The following TRPM5 variants were observed in gnomAD, a reference collection of about 807,000 sequenced individuals.
TRPM5 encodes the protein transient receptor potential cation channel subfamily M member 5.
Under a neutral mutation model 124.9 loss-of-function variants are expected in TRPM5, and 121 were observed. The ratio of observed to expected loss-of-function variants is 0.97; its 90% CI spans 0.84 to 1.13. The LOEUF is 1.13. TRPM5 is among the 50% of genes most tolerant of loss of function. The probability of loss-of-function intolerance (pLI) is 0.00; values close to 1 mark genes in which losing one functional copy is unlikely to be tolerated. For synonymous variants in TRPM5, 781 were observed against 700.5 expected, an observed-to-expected ratio of 1.11 and a Z score of -1.81; for missense variants, 1,643 against 1,589.1, an observed-to-expected ratio of 1.03 and a Z score of -0.58.
chr11:2,410,603 A>C, intron 18 of TRPM5: 4 of 428,924 alleles, frequency 9.3e-6, no homozygotes, highest in Admixed American at 5.1e-5. Flanking sequence ...GCCCCACCCC[A>C]GAGCTCCCCA....
upstream of TRPM5, among the ~76,000 whole-genome samples, chr11:2,427,676 G>T (rs868591439): frequency 2.0e-5 from 3 of 152,262 alleles, no homozygotes; most frequent in Non-Finnish European, 4.4e-5. Flanking sequence ...TGGCTTCTAG[G>T]CCACTTAGAT....
chr11:2,405,874 G>A (rs1009273340), intron 22 of TRPM5, 145 bp downstream of exon 27: 100 of 769,716 alleles, frequency 1.3e-4, no homozygotes, highest in Middle Eastern at 3.4e-4. Flanking sequence ...TCCCCAGAAC[G>A]CTCCTCTGCC....
At chr11:2,410,807 T>G (rs1589868001) in intron 18 of TRPM5, 1 of 398,904 alleles carries the variant, frequency 2.5e-6, no homozygotes, top group Non-Finnish European at 4.9e-6. Context: ...GCAGCCAGGG[T>G]GCCTTTAGGA....
chr11:2,407,698 G>C, intron 19 of TRPM5, 61 bp downstream of exon 24: 1 of 1,586,070 alleles, frequency 6.3e-7, no homozygotes, highest in Non-Finnish European at 8.6e-7. Flanking sequence ...GCGGTGTTGG[G>C]GAATGACCCT....
At chr11:2,441,644 C>T in the TRPM5 span, among the ~76,000 whole-genome samples, 3 of 152,142 alleles carry the variant, frequency 2.0e-5, no homozygotes, top group African/African-American at 4.8e-5. The surrounding 1 kb of genome is among the most constrained non-coding windows in gnomAD (Gnocchi z 7.2). Flanking sequence ...GCTCAGGGCC[C>T]AGGAGACAGC....
intron 11 of TRPM5, 60 bp from the exon 17 acceptor site, chr11:2,414,266 G>T: frequency 1.3e-6 from 2 of 1,546,560 alleles, no homozygotes; most frequent in Non-Finnish European, 8.7e-7. Flanking sequence ...GGCCCCCGAC[G>T]CCCCTCCTCC....
At chr11:2,422,863 GC>G in intron 1 of TRPM5, 56 bp downstream of exon 6, 1 of 1,464,474 alleles carries the variant, frequency 6.8e-7, no homozygotes, top group Non-Finnish European at 9.6e-7. Context: ...AGGAAATGGG[GC>G]CTCATGGGTT....
At chr11:2,413,398 G>C (rs11601529) in intron 13 of TRPM5, 78 bp downstream of exon 18, 2 of 1,414,466 alleles carry the variant, frequency 1.4e-6, no homozygotes, top group Non-Finnish European at 1.9e-6. Context: ...CAGCACCTGC[G>C]AGGCCCAGGC....
At chr11:2,408,155 T>C (rs1850362450) in intron 18 of TRPM5, among the ~76,000 whole-genome samples, 2 of 152,178 alleles carry the variant, frequency 1.3e-5, no homozygotes, top group Non-Finnish European at 2.9e-5. Context: ...CCATGTCTGC[T>C]GAGCTTCCAC....
intron 1 of TRPM5, 41 bp from the exon 7 acceptor site, chr11:2,422,362 G>A: frequency 6.4e-7 from 1 of 1,573,860 alleles, no homozygotes; most frequent in Non-Finnish European, 8.6e-7. Context: ...CGGGGCACGG[G>A]GCATGGGAGC....
intron 16 of TRPM5, 61 bp from the exon 22 acceptor site, chr11:2,411,828 G>A (rs1481844657): frequency 2.5e-6 from 4 of 1,595,032 alleles, no homozygotes; most frequent in Non-Finnish European, 3.4e-6. Flanking sequence ...CTTCCCCAGG[G>A]GCACACAGCA....
intron 18 of TRPM5, among the ~76,000 whole-genome samples, chr11:2,408,503 T>C (rs800345): frequency 0.84 from 128,474 of 152,274 alleles, 54,935 homozygotes; most frequent in Non-Finnish European, 0.91. Context: ...AGGGCACCGA[T>C]CCCGCACTGG....
intron 4 of TRPM5, 63 bp downstream of exon 9, chr11:2,420,159 A>C: frequency 6.6e-7 from 1 of 1,525,598 alleles, no homozygotes; most frequent in Non-Finnish European, 8.8e-7. Flanking sequence ...ACTCTCCCAC[A>C]GGCGGGTCCC....
At chr11:2,434,835 A>C in the TRPM5 span, among the ~76,000 whole-genome samples, 1 of 152,118 alleles carries the variant, frequency 6.6e-6, no homozygotes, top group Non-Finnish European at 1.5e-5. Flanking sequence ...GATCCAGGGG[A>C]GAGAAGTCGT....
chr11:2,405,946 T>C, intron 22 of TRPM5, 73 bp downstream of exon 27: 1 of 1,345,912 alleles, frequency 7.4e-7, no homozygotes, highest in Non-Finnish European at 1.1e-6. Context: ...CGGGCAGGGC[T>C]GTGGACCCAT....
chr11:2,413,023 G>A lies in TRPM5; in HGVS notation c.2097-11C>T. 6.3e-7 allele frequency: 1 copy of A among 1,597,580 alleles called. No homozygotes were observed. Among genetic ancestry groups the A allele is most frequent in the African/African-American group, 1.3e-5 (1 of 74,892 alleles). ...ACCAGCTCCTCCACCCTGTGCCGCA[G>A]AGAAGTTCGCAGTGGTGAGGCTGGC... On this transcript the variant is annotated splice_polypyrimidine_tract_variant and intron_variant, in intron 14 of 23. Transcript: ENST00000155858.
chr11:2,439,160 C>T, the TRPM5 span, among the ~76,000 whole-genome samples: 5 of 152,200 alleles, frequency 3.3e-5, no homozygotes, highest in Admixed American at 6.5e-5. Flanking sequence ...TAATTTTCAC[C>T]ATATGCACAA....
At chr11:2,413,633 C>A in intron 12 of TRPM5, 45 bp from the exon 18 acceptor site, 1 of 1,553,164 alleles carries the variant, frequency 6.4e-7, no homozygotes, top group Non-Finnish European at 8.8e-7. Context: ...GCACCTTTGC[C>A]CAGGCTGCGC....
intron 18 of TRPM5, chr11:2,410,663 C>T (rs767333698): frequency 2.2e-6 from 1 of 453,266 alleles, no homozygotes; most frequent in South Asian, 1.6e-5. Context: ...CTGACCCCCG[C>T]CCCCTCCCCA....
Sources: gnomAD v4.1 joint callset for allele counts (sites outside exome capture counted in the v4.1 genomes callset) on GRCh38, gnomAD v4.1.1 for gene constraint, Gnocchi (gnomAD v3.1) non-coding constraint, MANE v1.5 for transcripts, NCBI Gene and HGNC (gene_info 2026-07-23, HGNC 2026-07-21) for gene names.